Variants in DAND5 observed in about 807,000 individuals in gnomAD.
The protein encoded by DAND5 is DAN domain family member 5.
Under a neutral mutation model 9.2 loss-of-function variants are expected in DAND5, and 8 were observed. The ratio of observed to expected loss-of-function variants is 0.87; its 90% CI spans 0.51 to 1.56. The LOEUF (loss-of-function observed/expected upper bound fraction) is 1.56. Among genes scored for constraint, DAND5 ranks in the 40% most tolerant of loss-of-function variants. The pLI, the probability that DAND5 is intolerant of heterozygous loss-of-function variation, is 0.00. For synonymous variants in DAND5, 95 were observed against 101.1 expected (o/e 0.94, Z 0.36); for missense variants, 244 against 244.7 (o/e 1.00, Z 0.02).
chr19:12,972,910 T>C (rs1450724608), intron 1 of DAND5, among the ~76,000 whole-genome samples: 1 of 145,712 alleles, frequency 6.9e-6, no homozygotes, highest in Non-Finnish European at 1.5e-5. Flanking sequence ...GTCCCCAGGC[T>C]GGAGTGCAGT....
Position 12,973,712 on chromosome 19 carries a change from C to G in DAND5, c.*78C>G. The stretch of plus-strand genomic sequence containing the variant: ...GAGATGGACCAAGAAAGACGTGGAC[C>G]TGGATGATGTACTCTGGGTCAAGAG... On this transcript the variant is annotated 3_prime_UTR_variant, in exon 2 of 2. Transcript: ENST00000317060. 6.4e-7 allele frequency: 1 copy of G among 1,559,866 alleles called. No homozygotes were observed. Among genetic ancestry groups the G allele is most frequent in the Non-Finnish European group, 8.7e-7 (1 of 1,154,152 alleles).
chr19:12,971,310 G>A (rs545835469), intron 1 of DAND5, among the ~76,000 whole-genome samples: 4 of 151,496 alleles, frequency 2.6e-5, no homozygotes, highest in East Asian at 1.9e-4. Flanking sequence ...ATAGAGTCTC[G>A]CTCTGCTGCC....
Position 12,973,735 on chromosome 19 carries a change from G to T in DAND5, c.*101G>T. The T allele has an allele frequency of 6.5e-7, 1 of 1,528,848 alleles. No homozygotes were observed. The highest frequency in any genetic ancestry group is 8.8e-7 in the Non-Finnish European group (1 of 1,138,814). The allele number at this position is 1,528,848 out of a possible 1,614,324, so 94.7% of individuals were successfully genotyped here. ...ACCTGGATGATGTACTCTGGGTCAA[G>T]AGACCAGGGATGCAGGGTTAGGCAG... On this transcript the variant is annotated 3_prime_UTR_variant, in exon 2 of 2. Coordinates refer to ENST00000317060, the MANE Select transcript of DAND5 (RefSeq NM_152654.3).
chr19:12,973,393 T>C lies in DAND5; in HGVS notation c.329T>C (p.Phe110Ser). Residue 110 changes from phenylalanine to serine, a missense_variant, in exon 2 of 2, where the codon TTC becomes TCC. Phe to Ser is a radical substitution (Grantham distance 155). Coordinates refer to ENST00000317060, the MANE Select transcript of DAND5 (RefSeq NM_152654.3). ...TCTCCATGCCTCCGGCCCCAGGTGT[T>C]CTCCCGGCCCGGCTGCTCAGCCATA... ...MCKAVPFVQV[F>S]SRPGCSAIRL... 1 of 1,613,860 alleles carries C rather than the reference T, an allele frequency of 6.2e-7. No homozygotes were observed. The highest frequency in any genetic ancestry group is 1.1e-5 in the South Asian group (1 of 91,060).
At chr19:12,970,382 C>G in intron 1 of DAND5, 1 of 683,278 alleles carries the variant, frequency 1.5e-6, no homozygotes, top group Non-Finnish European at 2.7e-6. Context: ...CACTCTCCCC[C>G]TCAGTTACTT....
At chr19:12,973,157 C>T (rs1204603763) in intron 1 of DAND5, among the ~76,000 whole-genome samples, 1 of 152,288 alleles carries the variant, frequency 6.6e-6, no homozygotes, top group African/African-American at 2.4e-5. Flanking sequence ...CCACCGCGCC[C>T]GGCCCTTGTT....
intron 1 of DAND5, among the ~76,000 whole-genome samples, chr19:12,971,509 C>T (rs1382709118): frequency 1.3e-5 from 2 of 151,858 alleles, no homozygotes; most frequent in Non-Finnish European, 2.9e-5. Context: ...AAACTCCTGA[C>T]CTCATGATCC....
chr19:12,973,119 C>T (rs1467521447), intron 1 of DAND5, among the ~76,000 whole-genome samples: 1 of 152,070 alleles, frequency 6.6e-6, no homozygotes, highest in Non-Finnish European at 1.5e-5. Flanking sequence ...GCCTTGGCCT[C>T]CCAAAGTGCT....
rs919504310 is a variant in DAND5 at position 12,973,865 on chromosome 19, T to A, written c.*231T>A. 6 of 253,068 alleles carry A rather than the reference T, an allele frequency of 2.4e-5. No individual in the cohort carries two copies. The highest frequency in any genetic ancestry group is 8.7e-5 in the South Asian group (1 of 11,546). 15.7% of individuals were successfully genotyped at this position (253,068 alleles called of 1,614,324 possible). A position where few individuals can be genotyped will look rare whatever the true frequency, so the allele number is the denominator to read the frequency against. On this transcript the variant is annotated 3_prime_UTR_variant, in exon 2 of 2. Coordinates refer to ENST00000317060, the MANE Select transcript of DAND5 (RefSeq NM_152654.3). ...AGCACACAATGATTGACAACTCACTTTTTTTTTTTTTTTTTGAGATGGAGT... is the reference window on the plus strand; with the variant it reads ...AGCACACAATGATTGACAACTCACTATTTTTTTTTTTTTTTGAGATGGAGT...
At chr19:12,970,924 G>T (rs1463674886) in intron 1 of DAND5, among the ~76,000 whole-genome samples, 1 of 152,056 alleles carries the variant, frequency 6.6e-6, no homozygotes, top group Non-Finnish European at 1.5e-5. Context: ...CAGGTGACCC[G>T]CCTGCCTCGG....
At position 12,973,765 on chromosome 19, in the gene DAND5, G is replaced by A; in HGVS notation, c.*131G>A. ...CAGGGATGCAGGGTTAGGCAGACAG[G>A]TCCCCAGAGTCCTCACCCTGCTCCC... On this transcript the variant is annotated 3_prime_UTR_variant, in exon 2 of 2. Coordinates refer to ENST00000317060, the MANE Select transcript of DAND5 (RefSeq NM_152654.3). 2 of 1,361,312 alleles carry A rather than the reference G, an allele frequency of 1.5e-6. No homozygotes were observed. Among genetic ancestry groups the A allele is most frequent in the Non-Finnish European group, 2.0e-6 (2 of 1,013,824 alleles). The allele number at this position is 1,361,312 out of a possible 1,614,324, so 84.3% of individuals were successfully genotyped here.
intron 1 of DAND5, chr19:12,970,661 C>CCTTT (rs960920271): frequency 2.1e-5 from 9 of 424,056 alleles, no homozygotes; most frequent in South Asian, 1.8e-4. Context: ...TTCTTTCTTT[C>CCTTT]CTTTCTTTCT....
Position 12,973,563 on chromosome 19 carries a change from T to A in DAND5, c.499T>A (p.Ser167Thr), listed in dbSNP as rs777340186. Residue 167 changes from serine to threonine, a missense_variant, in exon 2 of 2, where the codon TCA (serine) becomes ACA (threonine). Physicochemically the swap from Ser to Thr is moderately conservative, Grantham distance 58. Coordinates refer to ENST00000317060, the MANE Select transcript of DAND5 (RefSeq NM_152654.3). Reference sequence around the variant, plus strand: ...GGTCCTGTGGTGTCTCACTGGCAGCTCAGCCTCCCGTCGACGGGTGAAGAT... The same window carrying A: ...GGTCCTGTGGTGTCTCACTGGCAGCACAGCCTCCCGTCGACGGGTGAAGAT... ...PVVLWCLTGSSASRRRVKIST... is the reference protein window; with the variant it reads ...PVVLWCLTGSTASRRRVKIST... 9.3e-6 allele frequency: 15 copies of A among 1,614,132 alleles called. No homozygotes were observed. Among genetic ancestry groups the A allele is most frequent in the Non-Finnish European group, 1.3e-5 (15 of 1,180,020 alleles).
chr19:12,971,224 C>T (rs2011144199), intron 1 of DAND5, among the ~76,000 whole-genome samples: 1 of 152,024 alleles, frequency 6.6e-6, no homozygotes, highest in Admixed American at 6.6e-5. Context: ...ATCAGGCCAT[C>T]TTATCATCAT....
intron 1 of DAND5, chr19:12,970,429 A>G (rs1352886501): frequency 4.3e-6 from 3 of 699,200 alleles, no homozygotes; most frequent in Non-Finnish European, 7.8e-6. Context: ...CTCAGACACC[A>G]ACTTTCTTTC....
Position 12,969,950 on chromosome 19 carries a change from TC to T in DAND5, c.292del (p.Gln98ArgfsTer45). On this transcript the variant is annotated frameshift_variant, in exon 1 of 2. Coordinates refer to ENST00000317060, the MANE Select transcript of DAND5 (RefSeq NM_152654.3). LOFTEE classifies it low-confidence loss of function (END_TRUNC). ...VTLPLNPQEV[I>X]QGMCKAVPFV... ...CTGCCGCTGAACCCTCAGGAAGTGA[TC>T]CAGGGGATGTGTAAGGCTGTGCCCT... 1 of 1,614,028 alleles carries T rather than the reference TC, an allele frequency of 6.2e-7. No individual in the cohort carries two copies. The highest frequency in any genetic ancestry group is 1.1e-5 in the South Asian group (1 of 91,074).
chr19:12,972,492 CT>C (rs930257111), intron 1 of DAND5, among the ~76,000 whole-genome samples: 1 of 151,974 alleles, frequency 6.6e-6, no homozygotes, highest in African/African-American at 2.4e-5. Context: ...AATTAGTCCT[CT>C]TTGTTGAAAG....
At position 12,970,128 on chromosome 19, in the gene DAND5, C is replaced by T. The variant is rs534905079; in HGVS notation, c.324+144C>T. 27 of 957,342 alleles carry T rather than the reference C, an allele frequency of 2.8e-5. No individual in the cohort carries two copies. The Admixed American group carries it at 6.5e-4, about 23-fold the overall frequency. The allele number at this position is 957,342 out of a possible 1,614,324, so 59.3% of individuals were successfully genotyped here. On this transcript the variant is annotated intron_variant, in intron 1 of 1. Coordinates refer to ENST00000317060, the MANE Select transcript of DAND5 (RefSeq NM_152654.3). ...CCTCAGTTTCCTCCCTTGTAAAATG[C>T]GACCCAAGCCTCCTCTATCCTGGTC...
Position 12,970,572 on chromosome 19 carries a change from TTTC to T in DAND5, c.324+591_324+593del, listed in dbSNP as rs750316293. Reference sequence around the variant, plus strand: ...TCTCTTGCTTGATATACCAACTTTCTTTCTTTTCTTTCTTTCTTTCTTTTTCTC... The same window carrying T: ...TCTCTTGCTTGATATACCAACTTTCTTTTTCTTTCTTTCTTTCTTTTTCTC... On this transcript the variant is annotated intron_variant, in intron 1 of 1. Transcript: ENST00000317060. The T allele has an allele frequency of 2.9e-5, 14 of 488,420 alleles. No individual in the cohort carries two copies. In the East Asian group the frequency reaches 4.0e-4, roughly 14 times the overall value. The allele number at this position is 488,420 out of a possible 1,614,324, so 30.3% of individuals were successfully genotyped here.
Sources: gnomAD v4.1 joint callset for allele counts (sites outside exome capture counted in the v4.1 genomes callset) on GRCh38, gnomAD v4.1.1 for gene constraint, MANE v1.5 for transcripts, NCBI Gene and HGNC (gene_info 2026-07-23, HGNC 2026-07-21) for gene names.